Variants in SRBD1 observed in about 807,000 individuals in gnomAD.
SRBD1 encodes the protein S1 RNA binding domain 1.
In SRBD1, 88 loss-of-function variants were observed where a neutral mutation model predicts 115.3. The ratio of observed to expected loss-of-function variants is 0.76; its 90% CI spans 0.64 to 0.91. The LOEUF (loss-of-function observed/expected upper bound fraction) is 0.91, where lower values mean the gene tolerates loss of function less well. Among genes scored for constraint, SRBD1 ranks in the 40% least tolerant of loss-of-function variants. The pLI is 0.00. For synonymous variants in SRBD1, 509 were observed against 407.7 expected (o/e 1.25, Z -2.99); for missense variants, 1,385 against 1,177.4 (o/e 1.18, Z -2.58).
intron 16 of SRBD1, among the ~76,000 whole-genome samples, chr2:45,450,443 T>A (rs1362624884): frequency 6.6e-6 from 1 of 152,130 alleles, no homozygotes; most frequent in African/African-American, 2.4e-5. Flanking sequence ...ATCTACAGCT[T>A]TAGTAGTAAC....
At chr2:45,425,960 T>G (rs1018135957) in intron 16 of SRBD1, among the ~76,000 whole-genome samples, 2 of 152,076 alleles carry the variant, frequency 1.3e-5, no homozygotes, top group African/African-American at 2.4e-5. Context: ...GAGTTTTTTT[T>G]TTCATACCTC....
chr2:45,423,122 G>A (rs962800065), intron 16 of SRBD1, among the ~76,000 whole-genome samples: 1 of 152,104 alleles, frequency 6.6e-6, no homozygotes, highest in African/African-American at 2.4e-5. Flanking sequence ...AAAAATGACG[G>A]ACCCCAGATG....
intron 16 of SRBD1, among the ~76,000 whole-genome samples, chr2:45,449,405 G>A (rs928791946): frequency 2.6e-5 from 4 of 152,040 alleles, no homozygotes; most frequent in African/African-American, 7.2e-5. Context: ...TTCTAAAATC[G>A]CTTCATAAAA....
chr2:45,493,937 C>T (rs1670377824), intron 14 of SRBD1, among the ~76,000 whole-genome samples: 1 of 151,932 alleles, frequency 6.6e-6, no homozygotes, highest in African/African-American at 2.4e-5. Flanking sequence ...AATTGAAAAT[C>T]AGATCAAAAA....
At chr2:45,455,071 A>G (rs1669111763) in intron 16 of SRBD1, among the ~76,000 whole-genome samples, 1 of 151,806 alleles carries the variant, frequency 6.6e-6, no homozygotes, top group African/African-American at 2.4e-5. Context: ...CAATTCCTCT[A>G]CACTTCTTAG....
chr2:45,608,176 T>G (rs1015528181), intron 1 of SRBD1, among the ~76,000 whole-genome samples: 7 of 152,216 alleles, frequency 4.6e-5, no homozygotes, highest in African/African-American at 1.7e-4. Context: ...CCATTATCCT[T>G]AAAGAAGGCT....
chr2:45,520,860 C>A (rs1277618009), intron 14 of SRBD1, among the ~76,000 whole-genome samples: 1 of 152,194 alleles, frequency 6.6e-6, no homozygotes, highest in Non-Finnish European at 1.5e-5. Context: ...CCCCCACATT[C>A]ACACTCTTCA....
At chr2:45,551,635 T>C (rs1005456764) in intron 11 of SRBD1, among the ~76,000 whole-genome samples, 15 of 152,204 alleles carry the variant, frequency 9.9e-5, no homozygotes, top group Middle Eastern at 3.4e-3. Context: ...GTAGGCACAG[T>C]GGGCAGGGAG....
rs149751994 is a variant in SRBD1, at chr2:45,448,269, G to C, written c.2050-28375C>G. On this transcript the variant is annotated intron_variant, in intron 16 of 20. Transcript: ENST00000263736. ...TCAAGTTGTTTTATCTACGAAATGGGGAAAATAACAGCACCTAGCCATACA... is the reference window on the plus strand; with the variant it reads ...TCAAGTTGTTTTATCTACGAAATGGCGAAAATAACAGCACCTAGCCATACA... 5.5e-3 allele frequency among the ~76,000 whole-genome samples: 840 copies of C among 151,914 alleles called. 6 individuals carry two copies. Among genetic ancestry groups the C allele is most frequent in the African/African-American group, 0.019 (789 of 41,428 alleles).
intron 15 of SRBD1, among the ~76,000 whole-genome samples, chr2:45,480,072 C>G (rs1172551400): frequency 6.6e-6 from 1 of 152,084 alleles, no homozygotes; most frequent in African/African-American, 2.4e-5. Context: ...ACTGTGGAGA[C>G]CTACTGCTCA....
At position 45,605,433 on chromosome 2, in the gene SRBD1, T is replaced by A. The variant is rs772043490; in HGVS notation, c.9A>T (p.Ser3=). 143 of 1,613,414 alleles carry A rather than the reference T, an allele frequency of 8.9e-5. No homozygotes were observed. The highest frequency in any genetic ancestry group is 1.2e-4 in the Non-Finnish European group (141 of 1,179,878). Reference sequence around the variant, plus strand: ...CCTGTACTTTCGCTCTTCTTGGCAATGATGACATCTAGAAGAAACAGAAAA... The same window carrying A: ...CCTGTACTTTCGCTCTTCTTGGCAAAGATGACATCTAGAAGAAACAGAAAA... MS[S]LPRRAKVQVQ... is the part of the protein sequence containing the mutation. The change falls in exon 2 of 21, where the codon TCA becomes TCT. Residue 3 remains serine (S), a synonymous_variant. Coordinates refer to ENST00000263736, the MANE Select transcript of SRBD1 (RefSeq NM_018079.5).
intron 15 of SRBD1, among the ~76,000 whole-genome samples, chr2:45,487,208 T>A (rs1474712517): frequency 6.6e-6 from 1 of 152,232 alleles, no homozygotes; most frequent in South Asian, 2.1e-4. Context: ...TGAAATCTGA[T>A]GAGAATATTT....
intron 16 of SRBD1, among the ~76,000 whole-genome samples, chr2:45,454,967 C>G (rs1424572666): frequency 6.6e-6 from 1 of 151,646 alleles, no homozygotes; most frequent in Non-Finnish European, 1.5e-5. Flanking sequence ...CAAAGTTTTC[C>G]TTTGCCAGTT....
intron 14 of SRBD1, among the ~76,000 whole-genome samples, chr2:45,496,725 T>C (rs1013217058): frequency 1.3e-5 from 2 of 152,146 alleles, no homozygotes; most frequent in Admixed American, 1.3e-4. Flanking sequence ...TTTATCTCTC[T>C]CCCCACAACC....
chr2:45,536,159 A>G (rs1191056611), intron 14 of SRBD1, among the ~76,000 whole-genome samples: 1 of 152,058 alleles, frequency 6.6e-6, no homozygotes, highest in Non-Finnish European at 1.5e-5. Context: ...ATTATATAAT[A>G]TAATTAAACA....
At chr2:45,603,225 A>G (rs1028903558) in intron 2 of SRBD1, among the ~76,000 whole-genome samples, 2 of 152,216 alleles carry the variant, frequency 1.3e-5, no homozygotes, top group Non-Finnish European at 2.9e-5. Context: ...TATTATGAAC[A>G]AAACACAAGC....
intron 18 of SRBD1, among the ~76,000 whole-genome samples, chr2:45,415,025 CA>C (rs1667773820): frequency 1.3e-5 from 1 of 76,992 alleles, no homozygotes; most frequent in African/African-American, 9.6e-5. Flanking sequence ...TATATACACA[CA>C]TATAGTGTGT....
intron 16 of SRBD1, among the ~76,000 whole-genome samples, chr2:45,422,442 T>C (rs774876811): frequency 6.6e-6 from 1 of 152,182 alleles, no homozygotes; most frequent in African/African-American, 2.4e-5. Flanking sequence ...TTATGATCAA[T>C]TAGTGGATCA....
At chr2:45,606,227 T>C (rs1340361758) in intron 1 of SRBD1, among the ~76,000 whole-genome samples, 1 of 151,034 alleles carries the variant, frequency 6.6e-6, no homozygotes, top group Non-Finnish European at 1.5e-5. Flanking sequence ...TGGCACGATA[T>C]TGGCTCACCA....
Sources: allele counts gnomAD v4.1 joint callset (sites outside exome capture counted in the v4.1 genomes callset), GRCh38; gene constraint gnomAD v4.1.1; transcripts MANE v1.5; gene names NCBI Gene and HGNC (gene_info 2026-07-23, HGNC 2026-07-21).